Variants in ZNF423 observed in about 807,000 individuals in gnomAD.
The protein encoded by ZNF423 is Ebf-associated zinc finger protein.
In ZNF423, 12 loss-of-function variants were observed where a neutral mutation model predicts 95.8. That is an observed-to-expected ratio of 0.13 (90% CI 0.08 to 0.20). The LOEUF is 0.20. Ranked by LOEUF, ZNF423 falls within the 10% of genes least tolerant of loss-of-function variation. The pLI is 1.00. For missense variants in ZNF423, 1,316 were observed against 1,737.1 expected (o/e 0.76, Z 4.31); for synonymous variants, 749 against 711.9 (o/e 1.05, Z -0.83).
intron 5 of ZNF423, among the ~76,000 whole-genome samples, chr16:49,546,542 G>T (rs1271758025): frequency 6.6e-6 from 1 of 152,102 alleles, no homozygotes; most frequent in Admixed American, 6.5e-5. Flanking sequence ...ATAGTTGGCG[G>T]CTATAAAGGG....
chr16:49,495,794 A>C (rs1967145874), intron 7 of ZNF423, among the ~76,000 whole-genome samples: 1 of 152,178 alleles, frequency 6.6e-6, no homozygotes, highest in South Asian at 2.1e-4. Flanking sequence ...TCCATGCCCA[A>C]CACAGTCACA....
At chr16:49,623,416 C>T (rs1972151624) in intron 5 of ZNF423, among the ~76,000 whole-genome samples, 1 of 152,234 alleles carries the variant, frequency 6.6e-6, no homozygotes, top group African/African-American at 2.4e-5. Flanking sequence ...CTTCCAGGCT[C>T]TGCACTAAAG....
intron 2 of ZNF423, among the ~76,000 whole-genome samples, chr16:49,754,886 A>T (rs2033696934): frequency 6.6e-6 from 1 of 152,200 alleles, no homozygotes; most frequent in Non-Finnish European, 1.5e-5. Flanking sequence ...TGGGCAGGGC[A>T]CTTCCTGCAG....
chr16:49,740,961 C>T (rs1188021953), intron 2 of ZNF423, among the ~76,000 whole-genome samples: 4 of 152,212 alleles, frequency 2.6e-5, no homozygotes, highest in Admixed American at 1.3e-4. Context: ...GTCAGGGAGA[C>T]GTTACCACCA....
chr16:49,607,827 C>T (rs182727451), intron 5 of ZNF423, among the ~76,000 whole-genome samples: 13 of 152,340 alleles, frequency 8.5e-5, no homozygotes, highest in Non-Finnish European at 1.3e-4. Context: ...TCCTAAGGCC[C>T]CACCTGTGGG....
At chr16:49,835,852 C>A (rs567945134) in intron 1 of ZNF423, among the ~76,000 whole-genome samples, 1 of 152,170 alleles carries the variant, frequency 6.6e-6, no homozygotes, top group East Asian at 1.9e-4. Flanking sequence ...GCCGGGAAAA[C>A]GGGGCCCAGG....
At chr16:49,702,627 G>A (rs2032220236) in intron 3 of ZNF423, among the ~76,000 whole-genome samples, 1 of 152,212 alleles carries the variant, frequency 6.6e-6, no homozygotes, top group Non-Finnish European at 1.5e-5. Context: ...GTCAGAACAA[G>A]GGGCACGCTT....
intron 1 of ZNF423, among the ~76,000 whole-genome samples, chr16:49,822,200 G>A (rs979057654): frequency 3.4e-5 from 5 of 149,066 alleles, no homozygotes; most frequent in African/African-American, 1.2e-4. Context: ...CTGAAATGGA[G>A]TCTCTCTCTG....
At chr16:49,601,095 A>G (rs1971355359) in intron 5 of ZNF423, among the ~76,000 whole-genome samples, 1 of 152,212 alleles carries the variant, frequency 6.6e-6, no homozygotes, top group Non-Finnish European at 1.5e-5. Flanking sequence ...GAGACTGGAC[A>G]AGGCATTCAA....
chr16:49,525,604 A>G, intron 5 of ZNF423, 110 bp from the exon 6 acceptor site: 2 of 1,467,204 alleles, frequency 1.4e-6, no homozygotes, highest in South Asian at 1.3e-5. Context: ...AATCCCCAGC[A>G]CCGGGGCTGG....
chr16:49,674,406 C>A (rs182422332), intron 3 of ZNF423, among the ~76,000 whole-genome samples: 1 of 152,088 alleles, frequency 6.6e-6, no homozygotes, highest in South Asian at 2.1e-4. Flanking sequence ...CATGTGCATA[C>A]GTGTGCTGCA....
intron 5 of ZNF423, among the ~76,000 whole-genome samples, chr16:49,532,720 C>G (rs1968898806): frequency 6.6e-6 from 1 of 152,172 alleles, no homozygotes; most frequent in East Asian, 1.9e-4. Context: ...ATGAGCTCAA[C>G]CTTGTAACTG....
At chr16:49,805,099 T>A (rs908136201) in intron 1 of ZNF423, among the ~76,000 whole-genome samples, 1 of 151,882 alleles carries the variant, frequency 6.6e-6, no homozygotes, top group Non-Finnish European at 1.5e-5. Context: ...GGGGTTTCAC[T>A]ATGCTGGCCA....
At chr16:49,740,119 G>A (rs1596952462) in intron 2 of ZNF423, among the ~76,000 whole-genome samples, 1 of 152,136 alleles carries the variant, frequency 6.6e-6, no homozygotes, top group East Asian at 1.9e-4. Context: ...TCCCACCTCA[G>A]CCTCCCAAAG....
chr16:49,597,136 GT>G (rs1971207097), intron 5 of ZNF423, among the ~76,000 whole-genome samples: 1 of 152,146 alleles, frequency 6.6e-6, no homozygotes. Flanking sequence ...GGGAGTGTCT[GT>G]TTCCAAACCA....
intron 3 of ZNF423, among the ~76,000 whole-genome samples, chr16:49,669,059 G>A (rs1325976603): frequency 6.6e-6 from 1 of 152,126 alleles, no homozygotes; most frequent in African/African-American, 2.4e-5. Context: ...ACCATGCGCG[G>A]CAGCTCATGT....
intron 1 of ZNF423, among the ~76,000 whole-genome samples, chr16:49,807,794 A>T (rs1264915386): frequency 6.6e-6 from 1 of 152,116 alleles, no homozygotes; most frequent in East Asian, 1.9e-4. Context: ...AAGCATGCCA[A>T]CCATCCCAGG....
At chr16:49,752,671 T>G (rs1174539566) in intron 2 of ZNF423, among the ~76,000 whole-genome samples, 1 of 152,202 alleles carries the variant, frequency 6.6e-6, no homozygotes, top group African/African-American at 2.4e-5. Context: ...TCGGGACAAC[T>G]GAGGGCATGG....
At chr16:49,585,735 G>A (rs1477087560) in intron 5 of ZNF423, among the ~76,000 whole-genome samples, 1 of 152,152 alleles carries the variant, frequency 6.6e-6, no homozygotes, top group African/African-American at 2.4e-5. Context: ...AAATGTAACA[G>A]CCCAAACAAA....
Sources: allele counts gnomAD v4.1 joint callset (sites outside exome capture counted in the v4.1 genomes callset), GRCh38; gene constraint gnomAD v4.1.1; transcripts MANE v1.5; gene names NCBI Gene and HGNC (gene_info 2026-07-23, HGNC 2026-07-21).